ADCY2: variants seen among roughly 807,000 people sequenced by gnomAD.
ADCY2 encodes the protein adenylate cyclase type 2.
A neutral mutation model predicts 125.2 loss-of-function variants in ADCY2; 31 were observed. That is an observed-to-expected ratio of 0.25 (90% CI 0.19 to 0.33). The LOEUF (loss-of-function observed/expected upper bound fraction) is 0.33, where lower values mean the gene tolerates loss of function less well. Ranked by LOEUF, ADCY2 falls within the 10% of genes least tolerant of loss-of-function variation. The probability of loss-of-function intolerance (pLI) is 1.00; values close to 1 mark genes in which losing one functional copy is unlikely to be tolerated. For synonymous variants in ADCY2, 512 were observed against 548.4 expected, an observed-to-expected ratio of 0.93 and a Z score of 0.93; for missense variants, 904 against 1,418.2, an observed-to-expected ratio of 0.64 and a Z score of 5.82.
chr5:7,717,089 TA>T, intron 11 of ADCY2, 67 bp from the exon 12 acceptor site: 1 of 1,023,390 alleles, frequency 9.8e-7, no homozygotes. Context: ...TATGTATCTC[TA>T]AAAAATTGGC....
intron 14 of ADCY2, among the ~76,000 whole-genome samples, chr5:7,728,011 C>G (rs1003392451): frequency 6.6e-6 from 1 of 152,054 alleles, no homozygotes; most frequent in African/African-American, 2.4e-5. Context: ...CTTTTAATAA[C>G]TGGGGATATG....
chr5:7,647,502 T>A (rs1299848716), intron 4 of ADCY2, among the ~76,000 whole-genome samples: 1 of 152,178 alleles, frequency 6.6e-6, no homozygotes, highest in African/African-American at 2.4e-5. Flanking sequence ...CTGCTTTCCA[T>A]GACCTGTGAA....
intron 1 of ADCY2, among the ~76,000 whole-genome samples, chr5:7,404,316 C>T (rs1210724020): frequency 6.6e-6 from 1 of 152,110 alleles, no homozygotes; most frequent in African/African-American, 2.4e-5. Flanking sequence ...TTATCCATTA[C>T]TTCTTTTGTG....
In ADCY2 at chr5:7,678,753, C is replaced by A. The variant is rs181551685; in HGVS notation, c.721-11938C>A. Among the ~76,000 whole-genome samples, 382 of 152,340 alleles carry A rather than the reference C, an allele frequency of 2.5e-3. 1 individual carries two copies. Among genetic ancestry groups the A allele is most frequent in the Non-Finnish European group, 3.8e-3 (256 of 68,032 alleles). ...AAGAGACAGCAGTAATATACCTCAT[C>A]ATTTCTCAGGCGAAAGGTCAAGAGG... On this transcript the variant is annotated intron_variant, in intron 4 of 24. Transcript: ENST00000338316.
At chr5:7,482,839 A>G (rs1742789456) in intron 2 of ADCY2, among the ~76,000 whole-genome samples, 1 of 149,658 alleles carries the variant, frequency 6.7e-6, no homozygotes, top group African/African-American at 2.5e-5. Context: ...AATGCTATTC[A>G]GTCATAAAGA....
intron 20 of ADCY2, among the ~76,000 whole-genome samples, chr5:7,793,075 T>C (rs1744306216): frequency 6.6e-6 from 1 of 152,180 alleles, no homozygotes. Flanking sequence ...TTCATGCCAC[T>C]GCACAACCCT....
chr5:7,777,496 G>A (rs1410060011), intron 18 of ADCY2, among the ~76,000 whole-genome samples: 2 of 152,240 alleles, frequency 1.3e-5, no homozygotes, highest in East Asian at 3.8e-4. Flanking sequence ...CCTGAAGACA[G>A]AGCCTATCTC....
intron 20 of ADCY2, chr5:7,796,898 T>C (rs1269823706): frequency 6.6e-6 from 1 of 152,240 alleles, no homozygotes; most frequent in East Asian, 1.9e-4. Flanking sequence ...ATCGACCCCG[T>C]GCCAAGTCCC....
At chr5:7,458,152 A>G (rs1475627494) in intron 2 of ADCY2, among the ~76,000 whole-genome samples, 1 of 152,212 alleles carries the variant, frequency 6.6e-6, no homozygotes, top group Admixed American at 6.5e-5. Context: ...CTCTGATAGG[A>G]TTCTGCTGCT....
chr5:7,614,096 A>G (rs888289675), intron 3 of ADCY2, among the ~76,000 whole-genome samples: 8 of 152,244 alleles, frequency 5.3e-5, no homozygotes. Context: ...AATGTTATCC[A>G]TAGTCATCAA....
chr5:7,814,789 G>T (rs1745057102), intron 22 of ADCY2, among the ~76,000 whole-genome samples: 1 of 152,126 alleles, frequency 6.6e-6, no homozygotes, highest in South Asian at 2.1e-4. Context: ...AGGTCAGCAG[G>T]TGGCTCCTCT....
chr5:7,565,602 A>G (rs541488206), intron 3 of ADCY2, among the ~76,000 whole-genome samples: 8 of 152,350 alleles, frequency 5.3e-5, no homozygotes, highest in African/African-American at 1.9e-4. Context: ...TTGTAGTTTG[A>G]GCTACAAATA....
At chr5:7,632,685 G>A (rs891863634) in intron 4 of ADCY2, among the ~76,000 whole-genome samples, 3 of 152,112 alleles carry the variant, frequency 2.0e-5, no homozygotes, top group Admixed American at 1.3e-4. Context: ...TTCACAGTTT[G>A]CACCACACTG....
intron 3 of ADCY2, among the ~76,000 whole-genome samples, chr5:7,522,823 G>A (rs187587340): frequency 1.3e-5 from 2 of 150,654 alleles, no homozygotes; most frequent in Non-Finnish European, 2.9e-5. Context: ...CTACTCGGGA[G>A]TCTGAGGCAG....
chr5:7,547,876 A>G (rs1047608530), intron 3 of ADCY2, among the ~76,000 whole-genome samples: 3 of 152,242 alleles, frequency 2.0e-5, no homozygotes, highest in South Asian at 2.1e-4. Context: ...CCCACAGCTC[A>G]CTGCTTTCCA....
intron 4 of ADCY2, among the ~76,000 whole-genome samples, chr5:7,688,077 C>T (rs1176388818): frequency 1.3e-5 from 2 of 152,024 alleles, no homozygotes; most frequent in Non-Finnish European, 2.9e-5. Flanking sequence ...GATCCAGACC[C>T]GTAATTATTT....
intron 3 of ADCY2, among the ~76,000 whole-genome samples, chr5:7,580,321 T>C (rs758189373): frequency 7.2e-5 from 11 of 152,122 alleles, no homozygotes; most frequent in Non-Finnish European, 1.6e-4. Flanking sequence ...GTGGTTATAA[T>C]TAAGTTTTTA....
chr5:7,670,645 C>T (rs1484598344), intron 4 of ADCY2, among the ~76,000 whole-genome samples: 1 of 152,176 alleles, frequency 6.6e-6, no homozygotes. Context: ...ACAATTTTTC[C>T]ACAGATCAGG....
In ADCY2 at chr5:7,430,148, C is replaced by T. The variant is rs117882130; in HGVS notation, c.408+15378C>T. 3.7e-4 allele frequency among the ~76,000 whole-genome samples: 56 copies of T among 152,138 alleles called. No individual in the cohort carries two copies. The East Asian group carries it at 0.01, about 27-fold the overall frequency. Reference sequence around the variant, plus strand: ...TTTATTGAAAAGCGAACCAGTAAAACTCATTCAAGAAGAAATAGATAAATG... The same window carrying T: ...TTTATTGAAAAGCGAACCAGTAAAATTCATTCAAGAAGAAATAGATAAATG... On this transcript the variant is annotated intron_variant, in intron 2 of 24. Transcript: ENST00000338316.
Sources: gnomAD v4.1 joint callset for allele counts (sites outside exome capture counted in the v4.1 genomes callset) on GRCh38, gnomAD v4.1.1 for gene constraint, MANE v1.5 for transcripts, NCBI Gene and HGNC (gene_info 2026-07-23, HGNC 2026-07-21) for gene names.